Variants in TMEM39A observed in about 807,000 individuals in gnomAD.
The protein encoded by TMEM39A is suppressor of SQST-1 aggregates in rpl-43 mutants.
TMEM39A carries 19 observed loss-of-function variants against 51.9 expected under a neutral mutation model. That is an observed-to-expected ratio of 0.37 (90% CI 0.26 to 0.54). TMEM39A has a LOEUF of 0.54. Among genes scored for constraint, TMEM39A ranks in the 20% least tolerant of loss-of-function variants. The pLI is 0.88. For missense variants in TMEM39A, 433 were observed against 590.5 expected (o/e 0.73, Z 2.76); for synonymous variants, 197 against 220.2 (o/e 0.89, Z 0.93).
intron 4 of TMEM39A, 69 bp from the exon 5 acceptor site, chr3:119,447,241 TAAG>T: frequency 6.5e-7 from 1 of 1,529,476 alleles, no homozygotes; most frequent in African/African-American, 1.4e-5. Context: ...GTAATTCAAG[TAAG>T]AACTTAATAG....
rs527477758 is a variant in TMEM39A at position 119,436,904 on chromosome 3, G to A, written c.999C>T (p.Leu333=). ...ATTTGGATGGCAACAGTTGCGTGGT[G>A]AGCATGACAAAAGCATTGATCCACA... ...IMVWINAFVM[L]TTQLLPSKYC... Residue 333 remains leucine (L), a synonymous_variant, in exon 7 of 9, where the codon CTC becomes CTT. Coordinates refer to ENST00000319172, the MANE Select transcript of TMEM39A (RefSeq NM_018266.3). The A allele has an allele frequency of 6.2e-6, 10 of 1,613,946 alleles. No homozygotes were observed. Among genetic ancestry groups the A allele is most frequent in the Admixed American group, 1.7e-5 (1 of 60,000 alleles).
At chr3:119,461,773 GC>G (rs1429627072) in intron 2 of TMEM39A, among the ~76,000 whole-genome samples, 188 bp downstream of exon 2, 1 of 152,112 alleles carries the variant, frequency 6.6e-6, no homozygotes, top group Non-Finnish European at 1.5e-5. Context: ...CACTTTGTGG[GC>G]CCCATTTCAC....
intron 3 of TMEM39A, 74 bp from the exon 4 acceptor site, chr3:119,452,604 G>T: frequency 8.5e-7 from 1 of 1,178,288 alleles, no homozygotes; most frequent in African/African-American, 1.5e-5. Context: ...CAAGAATAGA[G>T]GTTTATCCCT....
At chr3:119,458,647 C>A (rs1397809632) in intron 2 of TMEM39A, among the ~76,000 whole-genome samples, 1 of 152,164 alleles carries the variant, frequency 6.6e-6, no homozygotes, top group Non-Finnish European at 1.5e-5. Context: ...GTAATCCCAG[C>A]ACTTTGGGAG....
chr3:119,459,398 GA>G (rs2081308691), intron 2 of TMEM39A, among the ~76,000 whole-genome samples: 2 of 152,328 alleles, frequency 1.3e-5, no homozygotes, highest in African/African-American at 4.8e-5. Context: ...GATGAAAGAA[GA>G]AAGATTCAAA....
chr3:119,444,967 C>T (rs1384063849), intron 5 of TMEM39A, among the ~76,000 whole-genome samples: 2 of 152,082 alleles, frequency 1.3e-5, no homozygotes, highest in Admixed American at 6.6e-5. Context: ...GTAGTCCCAA[C>T]TACTTGGGAG....
At chr3:119,443,789 C>T (rs765672983) in intron 5 of TMEM39A, among the ~76,000 whole-genome samples, 12 of 151,956 alleles carry the variant, frequency 7.9e-5, no homozygotes, top group African/African-American at 1.9e-4. Context: ...TGGTGGCACA[C>T]GGCTACAGTC....
At chr3:119,444,470 GA>G (rs2081096842) in intron 5 of TMEM39A, among the ~76,000 whole-genome samples, 1 of 152,150 alleles carries the variant, frequency 6.6e-6, no homozygotes, top group Admixed American at 6.5e-5. Context: ...TTCAGTTGAT[GA>G]GTGACTTAAA....
chr3:119,454,348 T>C (rs1415714665), intron 3 of TMEM39A, among the ~76,000 whole-genome samples: 3 of 152,194 alleles, frequency 2.0e-5, no homozygotes, highest in East Asian at 1.9e-4. Context: ...CTAAGTATAA[T>C]GGATTCTAAC....
In TMEM39A at chr3:119,431,838, A is replaced by T; in HGVS notation, c.*143T>A. On this transcript the variant is annotated 3_prime_UTR_variant, in exon 9 of 9. Coordinates refer to ENST00000319172, the MANE Select transcript of TMEM39A (RefSeq NM_018266.3). Reference sequence around the variant, plus strand: ...CATCACCTTGTTTACGGATACATTTAATATCCCTTACTCTTCCCGACTTTC... The same window carrying T: ...CATCACCTTGTTTACGGATACATTTTATATCCCTTACTCTTCCCGACTTTC... 1.8e-6 allele frequency: 1 copy of T among 551,618 alleles called. No individual in the cohort carries two copies. The highest frequency in any genetic ancestry group is 3.1e-6 in the Non-Finnish European group (1 of 326,898). 34.2% of individuals were successfully genotyped at this position (551,618 alleles called of 1,614,324 possible). A position where few individuals can be genotyped will look rare whatever the true frequency, so the allele number is the denominator to read the frequency against.
intron 6 of TMEM39A, 40 bp from the exon 7 acceptor site, chr3:119,437,018 G>C: frequency 6.4e-7 from 1 of 1,564,340 alleles, no homozygotes; most frequent in South Asian, 1.2e-5. Flanking sequence ...TCCATGCACT[G>C]GTAAAAAGAG....
intron 8 of TMEM39A, among the ~76,000 whole-genome samples, chr3:119,433,603 C>T (rs192996030): frequency 6.4e-4 from 98 of 152,228 alleles, no homozygotes; most frequent in African/African-American, 1.6e-3. Context: ...TGAACTATTT[C>T]GCTATCACAG....
At chr3:119,439,892 T>C (rs35761622) in intron 5 of TMEM39A, among the ~76,000 whole-genome samples, 23,270 of 152,012 alleles carry the variant, frequency 0.15, 2,121 homozygotes, top group South Asian at 0.22. Context: ...CTCAGCCTCC[T>C]AAGTAGCTAG....
Position 119,458,201 on chromosome 3 carries a change from T to C in TMEM39A, c.153A>G (p.Thr51=), listed in dbSNP as rs1207204995. 6.2e-7 allele frequency: 1 copy of C among 1,614,146 alleles called. No homozygotes were observed. Among genetic ancestry groups the C allele is most frequent in the East Asian group, 2.2e-5 (1 of 44,884 alleles). The change falls in exon 3 of 9, where the codon ACA becomes ACG. Residue 51 remains threonine, a synonymous_variant. Coordinates refer to ENST00000319172, the MANE Select transcript of TMEM39A (RefSeq NM_018266.3). ...GAACAGGACCTGGGGTGATTAAGGC[T>C]GTGATAGGTGGGACTGGAAGGCCAA... ...SAIGLPVPPI[T]ALITPGPVRH...
At chr3:119,457,515 C>T (rs979401049) in intron 3 of TMEM39A, among the ~76,000 whole-genome samples, 2 of 152,176 alleles carry the variant, frequency 1.3e-5, no homozygotes, top group Non-Finnish European at 2.9e-5. Context: ...AGCTCTTTCC[C>T]CTTCTGGCTG....
chr3:119,436,881 T>C lies in TMEM39A; in HGVS notation c.1022A>G (p.Lys341Arg), dbSNP rs758103137. 7.4e-6 allele frequency: 12 copies of C among 1,613,914 alleles called. No individual in the cohort carries two copies. Among genetic ancestry groups the C allele is most frequent in the Admixed American group, 1.7e-5 (1 of 60,000 alleles). ...VMLTTQLLPS[K>R]YCDLLHKSAA... The stretch of plus-strand genomic sequence containing the variant: ...TGATTTATGTAGCAAATCACAGTAT[T>C]TGGATGGCAACAGTTGCGTGGTGAG... The change falls in exon 7 of 9, where the codon AAA (lysine) becomes AGA (arginine). Residue 341 changes from lysine (K) to arginine (R), a missense_variant. Lys to Arg is a conservative substitution (Grantham distance 26). Around this residue, in one of 3 missense-constraint regions of TMEM39A, gnomAD observed 223 missense variants for 328.1 expected, o/e 0.68. Transcript: ENST00000319172.
intron 3 of TMEM39A, among the ~76,000 whole-genome samples, chr3:119,455,125 C>A (rs974204381): frequency 1.3e-5 from 2 of 152,080 alleles, no homozygotes; most frequent in Non-Finnish European, 2.9e-5. Flanking sequence ...GAGTATCTGA[C>A]CCAGACACTC....
Position 119,434,894 on chromosome 3 carries a change from A to C in TMEM39A, c.1113-12T>G, listed in dbSNP as rs2080948125. ...TATTTTCTGACCAACTAAGGGAGAAAGAAATGCAATGTTAGCATATTGGCA... is the reference window on the plus strand; with the variant it reads ...TATTTTCTGACCAACTAAGGGAGAACGAAATGCAATGTTAGCATATTGGCA... On this transcript the variant is annotated splice_polypyrimidine_tract_variant and intron_variant, in intron 7 of 8. Transcript: ENST00000319172. 1.2e-6 allele frequency: 2 copies of C among 1,612,228 alleles called. No individual in the cohort carries two copies. The highest frequency in any genetic ancestry group is 4.5e-5 in the East Asian group (2 of 44,868).
intron 7 of TMEM39A, chr3:119,435,742 T>C: frequency 9.7e-7 from 1 of 1,028,914 alleles, no homozygotes; most frequent in Admixed American, 4.9e-5. Context: ...CCACCGGCCT[T>C]GCTCACACTT....
Sources: gnomAD v4.1 joint callset for allele counts (sites outside exome capture counted in the v4.1 genomes callset) on GRCh38, gnomAD v4.1.1 for gene constraint, gnomAD v4.1.1 regional missense constraint, MANE v1.5 for transcripts, NCBI Gene and HGNC (gene_info 2026-07-23, HGNC 2026-07-21) for gene names.